ETFA: variants seen among roughly 807,000 people sequenced by gnomAD.
ETFA encodes the protein electron transfer flavoprotein subunit alpha, also known as electron transfer flavoprotein subunit alpha, mitochondrial.
A neutral mutation model predicts 46.2 loss-of-function variants in ETFA; 22 were observed. The observed-to-expected ratio is 0.48, with a 90% confidence interval of 0.34 to 0.68. The LOEUF (loss-of-function observed/expected upper bound fraction) is 0.68, where lower values mean the gene tolerates loss of function less well. Among genes scored for constraint, ETFA ranks in the 30% least tolerant of loss-of-function variants. ETFA has a pLI of 0.01. For synonymous variants in ETFA, 131 were observed against 139.9 expected (o/e 0.94, Z 0.45); for missense variants, 345 against 401.1 (o/e 0.86, Z 1.19).
At chr15:76,279,779 T>C (rs1002940512) in intron 8 of ETFA, among the ~76,000 whole-genome samples, 1 of 152,140 alleles carries the variant, frequency 6.6e-6, no homozygotes, top group Non-Finnish European at 1.5e-5. Flanking sequence ...TTCCAAAACA[T>C]AGCCTCTGCC....
intron 9 of ETFA, among the ~76,000 whole-genome samples, chr15:76,271,882 T>C (rs966433514): frequency 6.7e-6 from 1 of 148,524 alleles, no homozygotes; most frequent in Admixed American, 6.7e-5. Context: ...TATATATGTA[T>C]ATGCACATAT....
intron 9 of ETFA, among the ~76,000 whole-genome samples, chr15:76,269,652 G>A (rs1210480233): frequency 6.6e-6 from 1 of 152,042 alleles, no homozygotes; most frequent in Non-Finnish European, 1.5e-5. Context: ...AGCCCCCATG[G>A]CCTGGTGTTG....
At chr15:76,220,837 T>TGAGTATATA (rs2038949784) in intron 11 of ETFA, among the ~76,000 whole-genome samples, 1 of 152,138 alleles carries the variant, frequency 6.6e-6, no homozygotes, top group African/African-American at 2.4e-5. Context: ...CATACATTAA[T>TGAGTATATA]GAGTATATAG....
chr15:76,220,301 C>T (rs1413335897), intron 11 of ETFA, among the ~76,000 whole-genome samples: 6 of 152,188 alleles, frequency 3.9e-5, no homozygotes, highest in African/African-American at 9.7e-5. Flanking sequence ...CTCGTGACAT[C>T]GAGTGATCCA....
intron 10 of ETFA, among the ~76,000 whole-genome samples, chr15:76,227,524 A>AAAAAAAAAAAAAAAAAAAGG (rs2039016297): frequency 6.6e-6 from 1 of 151,154 alleles, no homozygotes; most frequent in Non-Finnish European, 1.5e-5. Context: ...TCAAAAAAAA[A>AAAAAAAAAAAAAAAAAAAGG]AAAAGGAAAA....
At chr15:76,295,482 A>G in intron 2 of ETFA, 109 bp downstream of exon 2, 1 of 928,074 alleles carries the variant, frequency 1.1e-6, no homozygotes, top group Non-Finnish European at 1.8e-6. Context: ...TTTAATGAGG[A>G]TTAGAGCCCA....
chr15:76,222,891 G>A (rs1195080900), intron 11 of ETFA, among the ~76,000 whole-genome samples: 1 of 151,156 alleles, frequency 6.6e-6, no homozygotes, highest in African/African-American at 2.4e-5. Flanking sequence ...CTGAAGTGCA[G>A]TGGTGTAATC....
chr15:76,258,937 A>G, intron 9 of ETFA: 9 of 1,266,144 alleles, frequency 7.1e-6, no homozygotes, highest in South Asian at 3.7e-5. Context: ...CAGCCAGCAC[A>G]GTGGCCATCA....
intron 9 of ETFA, among the ~76,000 whole-genome samples, chr15:76,232,735 G>C (rs755381517): frequency 6.6e-6 from 1 of 152,068 alleles, no homozygotes; most frequent in East Asian, 1.9e-4. Flanking sequence ...ACCTCTCAGG[G>C]GCTCACTTTT....
intron 9 of ETFA, among the ~76,000 whole-genome samples, chr15:76,239,776 T>C (rs1348423276): frequency 1.3e-5 from 2 of 151,138 alleles, no homozygotes; most frequent in African/African-American, 2.5e-5. Flanking sequence ...CAACTGAAGT[T>C]TGTACATATT....
intron 8 of ETFA, among the ~76,000 whole-genome samples, chr15:76,282,570 A>C (rs2039666447): frequency 6.6e-6 from 1 of 152,254 alleles, no homozygotes; most frequent in South Asian, 2.1e-4. Flanking sequence ...GAATGAAAAT[A>C]AACCCTGAAA....
chr15:76,288,720 A>AC (rs998158571), intron 4 of ETFA, among the ~76,000 whole-genome samples: 1 of 151,436 alleles, frequency 6.6e-6, no homozygotes, highest in African/African-American at 2.4e-5. Context: ...TCAAAAGAAA[A>AC]AAAAAAAAAA....
At chr15:76,229,916 T>C (rs1247883992) in intron 10 of ETFA, 1 of 152,170 alleles carries the variant, frequency 6.6e-6, no homozygotes, top group African/African-American at 2.4e-5. Context: ...TGAATTAATG[T>C]GTCATATTCT....
rs560031894 is a variant in ETFA at position 76,221,282 on chromosome 15, A to G, written c.963+4567T>C. ...TGAAACATCCAGGACTGGCCAATGT[A>G]TAGAAACAGAAAGTAGATTAGTGGT... is the stretch of plus-strand genomic sequence containing the variant. On this transcript the variant is annotated intron_variant, in intron 11 of 11. Transcript: ENST00000557943. Among the ~76,000 whole-genome samples, 7 of 152,348 alleles carry G rather than the reference A, an allele frequency of 4.6e-5. No individual in the cohort carries two copies. In the South Asian group the frequency reaches 1.0e-3, roughly 23 times the overall value.
intron 9 of ETFA, among the ~76,000 whole-genome samples, chr15:76,265,690 T>G (rs899073479): frequency 4.6e-5 from 7 of 152,176 alleles, no homozygotes; most frequent in African/African-American, 1.7e-4. Context: ...TTACACCTAT[T>G]CCTGTCAATT....
intron 4 of ETFA, among the ~76,000 whole-genome samples, chr15:76,289,823 T>C (rs2039741747): frequency 6.6e-6 from 1 of 152,214 alleles, no homozygotes; most frequent in Non-Finnish European, 1.5e-5. Context: ...CCAGCTACTA[T>C]TATGTGACCC....
chr15:76,278,467 A>G lies in ETFA; in HGVS notation c.734-3973T>C, dbSNP rs553527329. Among the ~76,000 whole-genome samples the G allele has an allele frequency of 2.6e-5, 4 of 151,140 alleles. No individual in the cohort carries two copies. The South Asian group carries it at 8.4e-4, about 32-fold the overall frequency. On this transcript the variant is annotated intron_variant, in intron 8 of 11. Transcript: ENST00000557943. ...TATCACACCACACTCACTCAGAAAA[A>G]CCTCCCTCTTCCGGCTGATTAAGCA...
intron 10 of ETFA, among the ~76,000 whole-genome samples, chr15:76,228,582 T>G (rs1393520291): frequency 6.6e-6 from 1 of 152,154 alleles, no homozygotes; most frequent in African/African-American, 2.4e-5. Flanking sequence ...GGCTGGTTAT[T>G]GTTCTTCAGA....
intron 1 of ETFA, among the ~76,000 whole-genome samples, chr15:76,301,901 C>T (rs1396909746): frequency 6.6e-6 from 1 of 152,048 alleles, no homozygotes; most frequent in Non-Finnish European, 1.5e-5. Flanking sequence ...GAACAGGTAC[C>T]TCACCAAAGA....
Sources: gnomAD v4.1 joint callset for allele counts (sites outside exome capture counted in the v4.1 genomes callset) on GRCh38, gnomAD v4.1.1 for gene constraint, MANE v1.5 for transcripts, NCBI Gene and HGNC (gene_info 2026-07-23, HGNC 2026-07-21) for gene names.